Variants in CTNNA2 observed in about 807,000 individuals in gnomAD.
CTNNA2 encodes the protein catenin alpha 2, also known as catenin alpha-2.
Under a neutral mutation model 101.0 loss-of-function variants are expected in CTNNA2, and 42 were observed. That is an observed-to-expected ratio of 0.42 (90% CI 0.32 to 0.54). The LOEUF is 0.54. Among genes scored for constraint, CTNNA2 ranks in the 20% least tolerant of loss-of-function variants. The pLI is 0.14. For missense variants in CTNNA2, 871 were observed against 1,223.1 expected (o/e 0.71, Z 4.29); for synonymous variants, 450 against 456.4 (o/e 0.99, Z 0.18).
chr2:80,341,806 C>T (rs1672274399), intron 7 of CTNNA2, among the ~76,000 whole-genome samples: 1 of 152,148 alleles, frequency 6.6e-6, no homozygotes, highest in East Asian at 1.9e-4. Flanking sequence ...CACACACTTG[C>T]ACATGAATGT....
chr2:79,360,153 G>C (rs1388159460), intron 3 of CTNNA2, among the ~76,000 whole-genome samples: 1 of 152,164 alleles, frequency 6.6e-6, no homozygotes, highest in African/African-American at 2.4e-5. Flanking sequence ...CTACTATTAT[G>C]ACTAAGACAC....
chr2:80,092,702 A>G (rs1002377282), intron 7 of CTNNA2, among the ~76,000 whole-genome samples: 2 of 152,122 alleles, frequency 1.3e-5, no homozygotes, highest in African/African-American at 4.8e-5. Flanking sequence ...GGGAAACAGT[A>G]GCAGCCACTG....
intron 3 of CTNNA2, among the ~76,000 whole-genome samples, chr2:79,323,518 A>T (rs1457937079): frequency 1.3e-5 from 2 of 149,032 alleles, no homozygotes; most frequent in African/African-American, 2.5e-5. Context: ...ACATCCATTT[A>T]TACTTTCTTC....
chr2:79,190,956 T>C (rs961364935), intron 1 of CTNNA2, among the ~76,000 whole-genome samples: 1 of 152,174 alleles, frequency 6.6e-6, no homozygotes, highest in Admixed American at 6.5e-5. Context: ...CTCTCCCTCT[T>C]TGTTAGTTCA....
intron 7 of CTNNA2, among the ~76,000 whole-genome samples, chr2:80,151,921 G>A (rs1703724097): frequency 6.6e-6 from 1 of 152,216 alleles, no homozygotes; most frequent in Non-Finnish European, 1.5e-5. Flanking sequence ...GATGCTGCCA[G>A]CACTGCAGCT....
chr2:80,257,984 A>G lies in CTNNA2; in HGVS notation c.1057-135227A>G, dbSNP rs141454523. On this transcript the variant is annotated intron_variant, in intron 7 of 18. Coordinates refer to ENST00000402739, the MANE Select transcript of CTNNA2 (RefSeq NM_001282597.3). Reference sequence around the variant, plus strand: ...TGTCACATACAGTTGTGAAGGTTGCACACTGCGCAAAGTAAGGGTGCATCA... The same window carrying G: ...TGTCACATACAGTTGTGAAGGTTGCGCACTGCGCAAAGTAAGGGTGCATCA... 2.4e-3 allele frequency among the ~76,000 whole-genome samples: 368 copies of G among 152,354 alleles called. 3 individuals are homozygous for G. The highest frequency in any genetic ancestry group is 8.1e-3 in the African/African-American group (337 of 41,580).
At chr2:80,346,361 G>C (rs1032206854) in intron 7 of CTNNA2, among the ~76,000 whole-genome samples, 1 of 152,156 alleles carries the variant, frequency 6.6e-6, no homozygotes, top group Non-Finnish European at 1.5e-5. Context: ...GAGTAAAAGA[G>C]AGAGAGTGCC....
chr2:80,538,874 ATTTG>A (rs1326096110), intron 9 of CTNNA2, among the ~76,000 whole-genome samples: 21 of 152,082 alleles, frequency 1.4e-4, no homozygotes, highest in Admixed American at 1.2e-3. Context: ...CTGTTTTTCC[ATTTG>A]TTTGTGTTCT....
At chr2:80,234,471 C>T (rs1709436310) in intron 7 of CTNNA2, among the ~76,000 whole-genome samples, 1 of 152,172 alleles carries the variant, frequency 6.6e-6, no homozygotes, top group Admixed American at 6.5e-5. Flanking sequence ...TTTCATTATA[C>T]TCTTATAATC....
intron 9 of CTNNA2, among the ~76,000 whole-genome samples, chr2:80,467,735 G>A (rs1018133881): frequency 6.6e-6 from 1 of 152,096 alleles, no homozygotes; most frequent in African/African-American, 2.4e-5. Flanking sequence ...GGCTTTTGGA[G>A]GTGATTAAGT....
At chr2:79,680,530 A>G (rs1042566954) in intron 2 of CTNNA2, among the ~76,000 whole-genome samples, 14 of 152,102 alleles carry the variant, frequency 9.2e-5, no homozygotes, top group African/African-American at 3.4e-4. Context: ...CCTTGAATGT[A>G]CCACACTGAG....
At chr2:79,285,133 T>C (rs535629060) in intron 2 of CTNNA2, among the ~76,000 whole-genome samples, 51 of 151,760 alleles carry the variant, frequency 3.4e-4, no homozygotes, top group African/African-American at 1.2e-3. Context: ...TTATTGTGTC[T>C]ATTTGATTCT....
upstream of CTNNA2, among the ~76,000 whole-genome samples, chr2:79,509,320 A>C (rs1671485495): frequency 6.6e-6 from 1 of 152,108 alleles, no homozygotes; most frequent in Non-Finnish European, 1.5e-5. Context: ...TGAAATTGCT[A>C]TAGCATCTTT....
intron 7 of CTNNA2, among the ~76,000 whole-genome samples, chr2:80,171,783 G>A (rs576968280): frequency 1.3e-5 from 2 of 152,244 alleles, no homozygotes; most frequent in East Asian, 3.9e-4. Context: ...CACACCTAGT[G>A]GCAGGGGAGC....
At chr2:79,714,234 C>T (rs928184964) in intron 2 of CTNNA2, among the ~76,000 whole-genome samples, 10 of 151,998 alleles carry the variant, frequency 6.6e-5, no homozygotes, top group South Asian at 2.1e-4. Context: ...TCCACAATGA[C>T]GGGCACATAA....
intron 9 of CTNNA2, among the ~76,000 whole-genome samples, chr2:80,420,034 G>GA (rs527701227): frequency 0.032 from 1,179 of 37,396 alleles, 82 homozygotes; most frequent in East Asian, 0.075. Context: ...GGGAACTTGT[G>GA]AAAAAAAAAA....
intron 7 of CTNNA2, among the ~76,000 whole-genome samples, chr2:80,190,212 T>C (rs1366951781): frequency 2.0e-5 from 3 of 151,794 alleles, no homozygotes; most frequent in African/African-American, 7.3e-5. Context: ...AGCCAGCAAA[T>C]GTGACATGGG....
chr2:79,989,158 A>G (rs564500199), intron 7 of CTNNA2, among the ~76,000 whole-genome samples: 1 of 152,358 alleles, frequency 6.6e-6, no homozygotes, highest in Non-Finnish European at 1.5e-5. Flanking sequence ...TATTCCTCCA[A>G]GAAACCCTTA....
chr2:80,356,969 T>C (rs2149308870), intron 7 of CTNNA2, among the ~76,000 whole-genome samples: 1 of 152,300 alleles, frequency 6.6e-6, no homozygotes, highest in South Asian at 2.1e-4. Flanking sequence ...TATTTTTGGA[T>C]TGAATTTAGC....
Sources: allele counts gnomAD v4.1 joint callset (sites outside exome capture counted in the v4.1 genomes callset), GRCh38; gene constraint gnomAD v4.1.1; transcripts MANE v1.5; gene names NCBI Gene and HGNC (gene_info 2026-07-23, HGNC 2026-07-21).